CHST8: variants seen among roughly 807,000 people sequenced by gnomAD.
CHST8 encodes the protein GALNAC-4-ST1.
A neutral mutation model predicts 15.0 loss-of-function variants in CHST8; 10 were observed. The observed-to-expected ratio is 0.67, with a 90% CI of 0.41 to 1.13. The LOEUF is 1.13. CHST8 is among the 50% of genes most tolerant of loss of function. The pLI is 0.00. For missense variants in CHST8, 634 were observed against 608.2 expected, an observed-to-expected ratio of 1.04 and a Z score of -0.45; for synonymous variants, 259 against 256.6, an observed-to-expected ratio of 1.01 and a Z score of -0.09.
chr19:33,763,704 C>T (rs140877363), intron 3 of CHST8, among the ~76,000 whole-genome samples: 3,161 of 152,378 alleles, frequency 0.021, 53 homozygotes, highest in Non-Finnish European at 0.027. Context: ...GCTGCCCGCT[C>T]ATTGCTGCAT....
intron 3 of CHST8, among the ~76,000 whole-genome samples, chr19:33,717,823 G>T (rs1187901568): frequency 6.6e-6 from 1 of 152,116 alleles, no homozygotes; most frequent in Non-Finnish European, 1.5e-5. Flanking sequence ...CTACTGCCTG[G>T]AATTTTTATT....
At chr19:33,648,755 C>T (rs951999986) in intron 1 of CHST8, among the ~76,000 whole-genome samples, 8 of 151,900 alleles carry the variant, frequency 5.3e-5, no homozygotes, top group Non-Finnish European at 7.4e-5. Flanking sequence ...ACTTTGTACA[C>T]GAATGTGTAC....
intron 3 of CHST8, among the ~76,000 whole-genome samples, chr19:33,734,741 G>A (rs892735623): frequency 2.0e-5 from 3 of 152,142 alleles, no homozygotes; most frequent in Non-Finnish European, 4.4e-5. Context: ...CCTGATCCCA[G>A]AGCTGCCCAC....
At chr19:33,683,164 A>G (rs1972918225) in intron 2 of CHST8, among the ~76,000 whole-genome samples, 1 of 152,216 alleles carries the variant, frequency 6.6e-6, no homozygotes, top group South Asian at 2.1e-4. Context: ...GTCCCCTCCA[A>G]CCAGACCCCA....
chr19:33,727,783 G>A (rs558183197), intron 3 of CHST8, among the ~76,000 whole-genome samples: 1 of 152,364 alleles, frequency 6.6e-6, no homozygotes, highest in East Asian at 1.9e-4. Context: ...TCCTGCCGTA[G>A]CGGGCTGGTG....
intron 3 of CHST8, among the ~76,000 whole-genome samples, chr19:33,691,563 A>G (rs992034234): frequency 1.4e-5 from 2 of 146,572 alleles, no homozygotes; most frequent in African/African-American, 5.1e-5. Flanking sequence ...CAAGAAAGCA[A>G]TATCAAAGTA....
rs149623558 is a variant in CHST8 at position 33,674,348 on chromosome 19, G to A, written c.-87+6505G>A. Among the ~76,000 whole-genome samples the A allele has an allele frequency of 3.6e-3, 541 of 152,306 alleles. 2 individuals carry two copies. The highest frequency in any genetic ancestry group is 6.0e-3 in the Non-Finnish European group (408 of 68,024). ...TTAACCATCTGCAGGAGCTGCCATC[G>A]GCATGGGGGAGGGGCTGGGTCCCAC... On this transcript the variant is annotated intron_variant, in intron 2 of 4. Coordinates refer to ENST00000650847, the MANE Select transcript of CHST8 (RefSeq NM_001127895.2).
chr19:33,651,795 G>T lies in CHST8; in HGVS notation c.-163-15972G>T, dbSNP rs980774155. Among the ~76,000 whole-genome samples, 10 of 152,204 alleles carry T rather than the reference G, an allele frequency of 6.6e-5. No individual in the cohort carries two copies. In the East Asian group the frequency reaches 1.9e-3, roughly 29 times the overall value. ...CTATTGATTATTTAATTTTAGTGGA[G>T]AATTCCTTTGTGTCCTGGTTAGTAT... On this transcript the variant is annotated intron_variant, in intron 1 of 4. Transcript: ENST00000650847.
chr19:33,769,895 G>A (rs1045211063), intron 3 of CHST8, among the ~76,000 whole-genome samples: 3 of 152,136 alleles, frequency 2.0e-5, no homozygotes, highest in African/African-American at 7.2e-5. Context: ...CTTGTTCCCA[G>A]CCCAAAGGGA....
intron 3 of CHST8, among the ~76,000 whole-genome samples, chr19:33,741,049 G>A (rs996213261): frequency 1.1e-4 from 17 of 152,168 alleles, no homozygotes; most frequent in African/African-American, 1.9e-4. Flanking sequence ...GAGCTGCTGC[G>A]GCAGGGTCAG....
At chr19:33,649,997 G>A (rs1318957429) in intron 1 of CHST8, among the ~76,000 whole-genome samples, 2 of 152,186 alleles carry the variant, frequency 1.3e-5, no homozygotes, top group Non-Finnish European at 2.9e-5. Flanking sequence ...GTGTAGGGGT[G>A]TGTGACTTTA....
At chr19:33,731,612 C>T (rs1973994037) in intron 3 of CHST8, among the ~76,000 whole-genome samples, 1 of 152,178 alleles carries the variant, frequency 6.6e-6, no homozygotes, top group African/African-American at 2.4e-5. Flanking sequence ...CATTCTGTGA[C>T]TTAGAATGCC....
chr19:33,757,355 G>C (rs1057233399), intron 3 of CHST8, among the ~76,000 whole-genome samples: 2 of 146,752 alleles, frequency 1.4e-5, no homozygotes, highest in African/African-American at 5.1e-5. Context: ...ACTCCAGCCT[G>C]GGCAACAGAG....
chr19:33,765,016 T>C (rs1214011820), intron 3 of CHST8, among the ~76,000 whole-genome samples: 1 of 143,760 alleles, frequency 7.0e-6, no homozygotes, highest in African/African-American at 2.8e-5. Context: ...GCGAATGCCA[T>C]TAATTCATTC....
intron 3 of CHST8, among the ~76,000 whole-genome samples, chr19:33,696,804 C>G (rs1973226120): frequency 6.6e-6 from 1 of 151,634 alleles, no homozygotes; most frequent in Admixed American, 6.6e-5. Flanking sequence ...AAAGCGTTCC[C>G]TTTTCACCAC....
intron 1 of CHST8, among the ~76,000 whole-genome samples, chr19:33,627,283 A>T (rs376656892): frequency 2.9e-4 from 40 of 140,056 alleles, no homozygotes; most frequent in Non-Finnish European, 5.9e-4. Context: ...TTTTTTTTTT[A>T]ATATTTTTAG....
rs1974806757 is a variant in CHST8, at chr19:33,765,068, A to AT, written c.131-6344dup. ...ACTATTCCATCATATATATATATAT[A>AT]TATATCAGAGTTTCTTTATCCACTC... On this transcript the variant is annotated intron_variant, in intron 3 of 4. Coordinates refer to ENST00000650847, the MANE Select transcript of CHST8 (RefSeq NM_001127895.2). Among the ~76,000 whole-genome samples the AT allele has an allele frequency of 3.5e-5, 5 of 144,780 alleles. No individual in the cohort carries two copies. The South Asian group carries it at 8.5e-4, about 25-fold the overall frequency. 95.0% of individuals were successfully genotyped at this position (144,780 alleles called of 152,430 possible). A position where few individuals can be genotyped will look rare whatever the true frequency, so the allele number is the denominator to read the frequency against.
intron 3 of CHST8, among the ~76,000 whole-genome samples, chr19:33,716,361 TG>T (rs1456411255): frequency 6.6e-6 from 1 of 152,104 alleles, no homozygotes; most frequent in Admixed American, 6.6e-5. Flanking sequence ...GCAATAAACA[TG>T]TGATTGATTT....
intron 1 of CHST8, among the ~76,000 whole-genome samples, chr19:33,645,240 G>A (rs1185280404): frequency 6.6e-6 from 1 of 152,196 alleles, no homozygotes; most frequent in Non-Finnish European, 1.5e-5. Flanking sequence ...GGCCGTGTGG[G>A]GGCGGGGGAC....
Sources: allele counts gnomAD v4.1 joint callset (sites outside exome capture counted in the v4.1 genomes callset), GRCh38; gene constraint gnomAD v4.1.1; transcripts MANE v1.5; gene names NCBI Gene and HGNC (gene_info 2026-07-23, HGNC 2026-07-21).